NSG1: variants seen among roughly 807,000 people sequenced by gnomAD.
NSG1 encodes neuronal vesicle trafficking-associated protein 1.
Under a neutral mutation model 19.3 loss-of-function variants are expected in NSG1, and 9 were observed. The observed-to-expected ratio is 0.47, with a 90% CI of 0.28 to 0.81. The LOEUF (loss-of-function observed/expected upper bound fraction) is 0.81. NSG1 is among the 40% of genes least tolerant of loss of function. NSG1 has a pLI of 0.11. For missense variants in NSG1, 236 were observed against 242.4 expected (o/e 0.97, Z 0.18); for synonymous variants, 104 against 107.0 (o/e 0.97, Z 0.17).
chr4:4,391,630 C>A, intron 3 of NSG1, 39 bp downstream of exon 3: 1 of 1,402,098 alleles, frequency 7.1e-7, no homozygotes, highest in Non-Finnish European at 9.9e-7. Flanking sequence ...TGCTTTTGCC[C>A]CCAGAAGGGG....
chr4:4,410,337 A>G (rs34336402), intron 4 of NSG1, among the ~76,000 whole-genome samples: 8 of 152,222 alleles, frequency 5.3e-5, no homozygotes, highest in African/African-American at 9.6e-5. Flanking sequence ...TAAGGGTGGA[A>G]AGAGAAGACG....
chr4:4,401,731 A>G (rs983852943), intron 3 of NSG1, among the ~76,000 whole-genome samples: 1 of 152,188 alleles, frequency 6.6e-6, no homozygotes, highest in African/African-American at 2.4e-5. Context: ...TCCAGTAAGA[A>G]GGAAGAAGGC....
At chr4:4,409,441 GCTGCC>G in intron 3 of NSG1, 127 bp from the exon 4 acceptor site, 1 of 688,504 alleles carries the variant, frequency 1.5e-6, no homozygotes, top group Non-Finnish European at 2.6e-6. Context: ...CTTGTGCCTA[GCTGCC>G]CTTACCAGGT....
At chr4:4,388,215 T>G (rs996324160) in intron 2 of NSG1, among the ~76,000 whole-genome samples, 1 of 152,186 alleles carries the variant, frequency 6.6e-6, no homozygotes, top group Non-Finnish European at 1.5e-5. Context: ...AGATGGCCCC[T>G]CCCCAGGGCT....
chr4:4,397,210 C>T (rs1723301014), intron 3 of NSG1, among the ~76,000 whole-genome samples: 4 of 151,672 alleles, frequency 2.6e-5, no homozygotes, highest in Non-Finnish European at 5.9e-5. Context: ...CTTCTCCCTC[C>T]GCCTGAGGGT....
At chr4:4,389,784 G>A (rs970672793) in intron 2 of NSG1, among the ~76,000 whole-genome samples, 1 of 152,106 alleles carries the variant, frequency 6.6e-6, no homozygotes, top group Non-Finnish European at 1.5e-5. Context: ...GGGGTGCAGC[G>A]GTGACAGCAG....
rs1285879891 is a variant in NSG1, at chr4:4,417,669, T to A, written c.*234T>A. On this transcript the variant is annotated 3_prime_UTR_variant, in exon 5 of 5. Transcript: ENST00000621129. The stretch of plus-strand genomic sequence containing the variant: ...TCTGACACCACTTTTCATGTTAAGA[T>A]CTTCATTTAGCTCCTTTACTGGGAT... The A allele has an allele frequency of 1.8e-6, 1 of 542,966 alleles. No homozygotes were observed. Among genetic ancestry groups the A allele is most frequent in the Non-Finnish European group, 3.3e-6 (1 of 304,720 alleles). 33.6% of individuals were successfully genotyped at this position (542,966 alleles called of 1,614,324 possible).
chr4:4,405,267 A>G (rs562571600), intron 3 of NSG1, among the ~76,000 whole-genome samples: 128 of 152,280 alleles, frequency 8.4e-4, no homozygotes, highest in Non-Finnish European at 1.3e-3. Flanking sequence ...GTCTGTCTAC[A>G]TCCAAATTTC....
At chr4:4,397,836 A>C (rs188083346) in intron 3 of NSG1, among the ~76,000 whole-genome samples, 1 of 151,146 alleles carries the variant, frequency 6.6e-6, no homozygotes, top group East Asian at 2.0e-4. Flanking sequence ...TCCAGAAAAC[A>C]CTCCTCAGGT....
At position 4,391,524 on chromosome 4, in the gene NSG1, A is replaced by C; in HGVS notation, c.179A>C (p.Lys60Thr). ...TEYEPDRKKG[K>T]ARPPQIAEFT... The stretch of plus-strand genomic sequence containing the variant: ...TATGAACCTGACCGCAAGAAAGGGA[A>C]AGCACGTCCTCCCCAAATTGCTGAG... Residue 60 changes from lysine (K) to threonine (T), a missense_variant, in exon 3 of 5, where the codon AAA (lysine) becomes ACA (threonine). Transcript: ENST00000621129. 6 of 1,613,810 alleles carry C rather than the reference A, an allele frequency of 3.7e-6. No homozygotes were observed. Among genetic ancestry groups the C allele is most frequent in the Non-Finnish European group, 5.1e-6 (6 of 1,179,936 alleles).
In NSG1 at chr4:4,417,553, T is replaced by C. The variant is rs952541453; in HGVS notation, c.*118T>C. 36 of 976,976 alleles carry C rather than the reference T, an allele frequency of 3.7e-5. No homozygotes were observed. The African/African-American group carries it at 4.4e-4, about 12-fold the overall frequency. The allele number at this position is 976,976 out of a possible 1,614,324, so 60.5% of individuals were successfully genotyped here. A position where few individuals can be genotyped will look rare whatever the true frequency, so the allele number is the denominator to read the frequency against. ...GGTTACTCATTTACGGTGCAATTGCTTCTGTTTGCTAATGCTGCTTTGCAA... is the reference window on the plus strand; with the variant it reads ...GGTTACTCATTTACGGTGCAATTGCCTCTGTTTGCTAATGCTGCTTTGCAA... On this transcript the variant is annotated 3_prime_UTR_variant, in exon 5 of 5. Transcript: ENST00000621129.
intron 2 of NSG1, 88 bp downstream of exon 2, chr4:4,387,846 G>T (rs959536413): frequency 2.5e-5 from 28 of 1,118,576 alleles, no homozygotes; most frequent in South Asian, 9.7e-5. Flanking sequence ...CGCCGCGTGC[G>T]CTGGGTACGC....
rs59808943 is a variant in NSG1 at position 4,393,133 on chromosome 4, G to C, written c.246+1542G>C. On this transcript the variant is annotated intron_variant, in intron 3 of 4. Coordinates refer to ENST00000621129, the MANE Select transcript of NSG1 (RefSeq NM_014392.5). ...AGGTCATGGTGTCCTCTGTCCTGAT[G>C]GCTAAATGCTGTGTGATGTCTGAGT... 4.1e-3 allele frequency among the ~76,000 whole-genome samples: 626 copies of C among 152,284 alleles called. 4 individuals carry two copies. Among genetic ancestry groups the C allele is most frequent in the African/African-American group, 0.014 (564 of 41,544 alleles).
In NSG1 at chr4:4,417,289, A is replaced by G; in HGVS notation, c.412A>G (p.Ser138Gly). ...LESYYAEQDS[S>G]AREKFYTVIN... ...GAGCTACTACGCGGAGCAAGACTCC[A>G]GTGCCCGGGAGAAATTTTACACAGT... Residue 138 changes from serine to glycine, a missense_variant, in exon 5 of 5, where the codon AGT (serine) becomes GGT (glycine). Ser to Gly is a moderately conservative substitution (Grantham distance 56, BLOSUM62 0). Transcript: ENST00000621129. The G allele has an allele frequency of 6.2e-7, 1 of 1,614,184 alleles. No homozygotes were observed. The highest frequency in any genetic ancestry group is 1.1e-5 in the South Asian group (1 of 91,082).
intron 1 of NSG1, 100 bp from the exon 2 acceptor site, chr4:4,387,504 C>G: frequency 3.9e-6 from 3 of 771,544 alleles, no homozygotes; most frequent in South Asian, 3.6e-5. Context: ...GGCCGGGGAG[C>G]TCGCGGACGC....
chr4:4,396,256 C>T (rs976536385), intron 3 of NSG1, among the ~76,000 whole-genome samples: 7 of 152,160 alleles, frequency 4.6e-5, no homozygotes, highest in Non-Finnish European at 8.8e-5. Flanking sequence ...GTTCTCCTTC[C>T]GGTCTGGAGA....
intron 3 of NSG1, among the ~76,000 whole-genome samples, chr4:4,397,747 A>G (rs1405825190): frequency 1.3e-5 from 2 of 152,202 alleles, no homozygotes; most frequent in South Asian, 4.2e-4. Flanking sequence ...GAGGACACAT[A>G]TTCCCTCCTT....
chr4:4,413,782 G>A (rs985349402), intron 4 of NSG1, among the ~76,000 whole-genome samples: 6 of 151,978 alleles, frequency 3.9e-5, no homozygotes, highest in Admixed American at 1.3e-4. Context: ...AGGGAGAGAC[G>A]GGGCAGTGAG....
chr4:4,396,877 G>A (rs1254033931), intron 3 of NSG1, among the ~76,000 whole-genome samples: 1 of 152,030 alleles, frequency 6.6e-6, no homozygotes, highest in East Asian at 1.9e-4. Flanking sequence ...TTCCCGTGGG[G>A]GTGGTATTGG....
Sources: gnomAD v4.1 joint callset for allele counts (sites outside exome capture counted in the v4.1 genomes callset) on GRCh38, gnomAD v4.1.1 for gene constraint, MANE v1.5 for transcripts, NCBI Gene and HGNC (gene_info 2026-07-23, HGNC 2026-07-21) for gene names.